MS4A15: variants seen among roughly 807,000 people sequenced by gnomAD.
The protein encoded by MS4A15 is membrane spanning 4-domains A15.
Under a neutral mutation model 20.6 loss-of-function variants are expected in MS4A15, and 22 were observed. The observed-to-expected ratio is 1.07, with a 90% CI of 0.76 to 1.52. The LOEUF (loss-of-function observed/expected upper bound fraction) is 1.52. MS4A15 is among the 40% of genes most tolerant of loss of function. The probability of loss-of-function intolerance (pLI) is 0.00; values close to 1 mark genes in which losing one functional copy is unlikely to be tolerated. For synonymous variants in MS4A15, 129 were observed against 129.3 expected, an observed-to-expected ratio of 1.00 and a Z score of 0.02; for missense variants, 312 against 323.0, an observed-to-expected ratio of 0.97 and a Z score of 0.26.
At chr11:60,759,960 C>A (rs979436812) in intron 1 of MS4A15, among the ~76,000 whole-genome samples, 1 of 152,204 alleles carries the variant, frequency 6.6e-6, no homozygotes, top group Non-Finnish European at 1.5e-5. Context: ...CGGAGACCGG[C>A]GCCGGTGCAG....
intron 6 of MS4A15, among the ~76,000 whole-genome samples, chr11:60,775,329 G>GAAAA (rs1554970114): frequency 2.2e-5 from 3 of 139,328 alleles, no homozygotes; most frequent in Admixed American, 7.0e-5. Context: ...AAAAAAAAAA[G>GAAAA]AAAAGAAAAA....
chr11:60,775,960 C>T lies in MS4A15; in HGVS notation c.*245C>T, dbSNP rs141506356. 90 of 380,538 alleles carry T rather than the reference C, an allele frequency of 2.4e-4. No homozygotes were observed. In the East Asian group the frequency reaches 3.6e-3, roughly 15 times the overall value. The allele number at this position is 380,538 out of a possible 1,614,324, so 23.6% of individuals were successfully genotyped here. The stretch of plus-strand genomic sequence containing the variant: ...GTGTGTGTCCTTCAGCTCCCTGAGC[C>T]CTGTCACCCTTCCAGGACACCCACC... On this transcript the variant is annotated 3_prime_UTR_variant, in exon 7 of 7. Coordinates refer to ENST00000405633, the MANE Select transcript of MS4A15 (RefSeq NM_001098835.2).
intron 4 of MS4A15, 122 bp from the exon 5 acceptor site, chr11:60,773,270 G>A (rs1854087559): frequency 2.9e-6 from 2 of 682,726 alleles, no homozygotes; most frequent in Non-Finnish European, 5.0e-6. Flanking sequence ...AGGGTGGTGT[G>A]GCCACTGCCT....
intron 5 of MS4A15, 71 bp from the exon 6 acceptor site, chr11:60,773,766 G>A: frequency 7.8e-7 from 1 of 1,287,486 alleles, no homozygotes; most frequent in Non-Finnish European, 1.1e-6. Flanking sequence ...CCTTGGGCAA[G>A]TGGTTCTCAC....
chr11:60,763,943 G>C lies in MS4A15; in HGVS notation c.210G>C (p.Glu70Asp), dbSNP rs753787323. Reference protein sequence around the residue: ...LRPVETFLTGEPKVLGTVQIL... With the variant: ...LRPVETFLTGDPKVLGTVQIL... ...CCGTGGAGACATTCCTGACAGGAGA[G>C]CCCAAAGTTTTGGGGGTAAGAACAG... The change falls in exon 2 of 7, where the codon GAG becomes GAC. Residue 70 changes from glutamate (E) to aspartate (D), a missense_variant. Physicochemically the swap from Glu to Asp is conservative, Grantham distance 45. Coordinates refer to ENST00000405633, the MANE Select transcript of MS4A15 (RefSeq NM_001098835.2). 7 of 1,612,436 alleles carry C rather than the reference G, an allele frequency of 4.3e-6. 1 individual carries two copies. The highest frequency in any genetic ancestry group is 1.3e-5 in the African/African-American group (1 of 74,898).
At chr11:60,766,926 A>G (rs993181781) in intron 2 of MS4A15, among the ~76,000 whole-genome samples, 16 of 152,224 alleles carry the variant, frequency 1.1e-4, no homozygotes, top group Non-Finnish European at 1.9e-4. Context: ...CCGGAATTCA[A>G]TAGTTACCCA....
chr11:60,761,388 T>C (rs1240133910), intron 1 of MS4A15, among the ~76,000 whole-genome samples: 5 of 152,244 alleles, frequency 3.3e-5, no homozygotes, highest in Non-Finnish European at 5.9e-5. Context: ...AGGTCTCTAA[T>C]GAAGCTACAC....
At position 60,767,517 on chromosome 11, in the gene MS4A15, T is replaced by A. The variant is rs1013238863; in HGVS notation, c.226-16T>A. 3.1e-5 allele frequency: 47 copies of A among 1,508,392 alleles called. No homozygotes were observed. Among genetic ancestry groups the A allele is most frequent in the African/African-American group, 4.2e-5 (3 of 71,318 alleles). 93.4% of individuals were successfully genotyped at this position (1,508,392 alleles called of 1,614,324 possible). A position where few individuals can be genotyped will look rare whatever the true frequency, so the allele number is the denominator to read the frequency against. ...GGAACAGGGCCCGCGGCACTGAGCC[T>A]CGGGGCTTCCCGCAGACGGTGCAGA... On this transcript the variant is annotated splice_polypyrimidine_tract_variant and intron_variant, in intron 2 of 6. Coordinates refer to ENST00000405633, the MANE Select transcript of MS4A15 (RefSeq NM_001098835.2).
chr11:60,775,189 C>T (rs996534325), intron 6 of MS4A15, among the ~76,000 whole-genome samples: 1 of 151,936 alleles, frequency 6.6e-6, no homozygotes, highest in Admixed American at 6.6e-5. Flanking sequence ...TGGTGGCAGG[C>T]GCCTATAATC....
chr11:60,757,639 A>C (rs1042197124), intron 1 of MS4A15, among the ~76,000 whole-genome samples: 1 of 151,920 alleles, frequency 6.6e-6, no homozygotes, highest in African/African-American at 2.4e-5. Context: ...CTTTTCCTCC[A>C]CCCTTAAAGG....
In MS4A15 at chr11:60,763,920, G is replaced by T; in HGVS notation, c.187G>T (p.Val63Leu). The change falls in exon 2 of 7, where the codon GTG becomes TTG. Residue 63 changes from valine (V) to leucine (L), a missense_variant. Transcript: ENST00000405633. Reference protein sequence around the residue: ...RATQPPDLRPVETFLTGEPKV... With the variant: ...RATQPPDLRPLETFLTGEPKV... ...CACACAGCCACCTGACTTGCGGCCC[G>T]TGGAGACATTCCTGACAGGAGAGCC... is the stretch of plus-strand genomic sequence containing the variant. The T allele has an allele frequency of 6.2e-7, 1 of 1,613,044 alleles. No homozygotes were observed. Among genetic ancestry groups the T allele is most frequent in the Non-Finnish European group, 8.5e-7 (1 of 1,179,888 alleles).
intron 6 of MS4A15, 87 bp downstream of exon 6, chr11:60,774,037 C>G: frequency 3.2e-6 from 3 of 941,342 alleles, no homozygotes; most frequent in Non-Finnish European, 3.4e-6. Flanking sequence ...CGCTCTGCCT[C>G]CAGACCCCTC....
chr11:60,771,364 G>C lies in MS4A15; in HGVS notation c.405+17G>C. ...AGTTGCCTGGTGAGTGTGAACAGGG[G>C]GACCCAGGGGCGGGGATGAAGCCAC... is the stretch of plus-strand genomic sequence containing the variant. On this transcript the variant is annotated intron_variant, in intron 4 of 6. Coordinates refer to ENST00000405633, the MANE Select transcript of MS4A15 (RefSeq NM_001098835.2). 1 of 1,614,036 alleles carries C rather than the reference G, an allele frequency of 6.2e-7. No homozygotes were observed. Among genetic ancestry groups the C allele is most frequent in the African/African-American group, 1.3e-5 (1 of 75,024 alleles).
At position 60,771,288 on chromosome 11, in the gene MS4A15, C is replaced by T; in HGVS notation, c.349-3C>T. On this transcript the variant is annotated splice_polypyrimidine_tract_variant and splice_region_variant and intron_variant, in intron 3 of 6. Transcript: ENST00000405633. Reference sequence around the variant, plus strand: ...CCTCACCTGGTCCCCTCTCCCCATACAGTTCATCATCTCCGGATCCCTCTC... The same window carrying T: ...CCTCACCTGGTCCCCTCTCCCCATATAGTTCATCATCTCCGGATCCCTCTC... 6.2e-7 allele frequency: 1 copy of T among 1,613,848 alleles called. No individual in the cohort carries two copies. Among genetic ancestry groups the T allele is most frequent in the Middle Eastern group, 1.7e-4 (1 of 5,832 alleles).
At chr11:60,767,759 A>T in intron 3 of MS4A15, 104 bp downstream of exon 3, 6 of 1,336,592 alleles carry the variant, frequency 4.5e-6, no homozygotes, top group Non-Finnish European at 3.9e-6. Flanking sequence ...AGCCTCTCCT[A>T]GGTGGGGGCC....
chr11:60,768,199 A>G (rs1345874658), intron 3 of MS4A15, among the ~76,000 whole-genome samples: 1 of 151,264 alleles, frequency 6.6e-6, no homozygotes, highest in African/African-American at 2.4e-5. Context: ...TCTCAAAAAG[A>G]AAAAAAAAGG....
At chr11:60,765,645 T>C (rs1853865329) in intron 2 of MS4A15, among the ~76,000 whole-genome samples, 1 of 152,194 alleles carries the variant, frequency 6.6e-6, no homozygotes, top group Non-Finnish European at 1.5e-5. Flanking sequence ...AAACTAGGGA[T>C]GGCTGACCCT....
chr11:60,766,168 G>C (rs548715063), intron 2 of MS4A15, among the ~76,000 whole-genome samples: 2 of 152,320 alleles, frequency 1.3e-5, no homozygotes, highest in Admixed American at 1.3e-4. Context: ...ATCACCTGAG[G>C]TCAGGAGTTC....
intron 3 of MS4A15, among the ~76,000 whole-genome samples, chr11:60,771,007 C>T (rs906477275): frequency 4.6e-5 from 7 of 152,180 alleles, no homozygotes; most frequent in African/African-American, 1.7e-4. Context: ...TCAGTTCAGC[C>T]TCACTCAGTA....
Sources: allele counts gnomAD v4.1 joint callset (sites outside exome capture counted in the v4.1 genomes callset), GRCh38; gene constraint gnomAD v4.1.1; transcripts MANE v1.5; gene names NCBI Gene and HGNC (gene_info 2026-07-23, HGNC 2026-07-21).